Variants in RYR3 observed in about 807,000 individuals in gnomAD.
RYR3 encodes ryanodine receptor 3.
A neutral mutation model predicts 584.3 loss-of-function variants in RYR3; 207 were observed. The ratio of observed to expected loss-of-function variants is 0.35; its 90% CI spans 0.32 to 0.40. RYR3 has a LOEUF of 0.40. Ranked by LOEUF, RYR3 falls within the 10% of genes least tolerant of loss-of-function variation. The probability of loss-of-function intolerance (pLI) is 1.00; values close to 1 mark genes in which losing one functional copy is unlikely to be tolerated. For synonymous variants in RYR3, 2,416 were observed against 2,248.5 expected, an observed-to-expected ratio of 1.07 and a Z score of -2.11; for missense variants, 5,616 against 6,089.2, an observed-to-expected ratio of 0.92 and a Z score of 2.59.
chr15:33,797,277 AG>A (rs2075682173), intron 67 of RYR3, among the ~76,000 whole-genome samples: 1 of 152,192 alleles, frequency 6.6e-6, no homozygotes, highest in East Asian at 1.9e-4. Context: ...CAAGCACTGC[AG>A]ATGATAAAAG....
intron 60 of RYR3, among the ~76,000 whole-genome samples, chr15:33,758,752 G>C (rs1426203860): frequency 6.6e-6 from 1 of 152,230 alleles, no homozygotes; most frequent in Non-Finnish European, 1.5e-5. Flanking sequence ...TGCCGGCTCT[G>C]AACATAGCAG....
chr15:33,575,739 G>A (rs1345567393), intron 12 of RYR3, among the ~76,000 whole-genome samples: 2 of 151,500 alleles, frequency 1.3e-5, no homozygotes, highest in African/African-American at 4.9e-5. Context: ...CCAAAAGCTA[G>A]CAAAAGACAA....
chr15:33,410,588 C>T (rs1320666724), intron 1 of RYR3, among the ~76,000 whole-genome samples: 1 of 152,162 alleles, frequency 6.6e-6, no homozygotes, highest in African/African-American at 2.4e-5. Flanking sequence ...ACTTGATTGC[C>T]TTATTTTAAT....
In RYR3 at chr15:33,745,951, T is replaced by C. The variant is rs576179012; in HGVS notation, c.7900-117T>C. 5 of 719,864 alleles carry C rather than the reference T, an allele frequency of 6.9e-6. No individual in the cohort carries two copies. In the East Asian group the frequency reaches 1.3e-4, roughly 19 times the overall value. 44.6% of individuals were successfully genotyped at this position (719,864 alleles called of 1,614,324 possible). A position where few individuals can be genotyped will look rare whatever the true frequency, so the allele number is the denominator to read the frequency against. ...ATTAGGCATTTTTGAGGAGAATTTCTAAGCCCTGTCACTATCCATTACTCC... is the reference window on the plus strand; with the variant it reads ...ATTAGGCATTTTTGAGGAGAATTTCCAAGCCCTGTCACTATCCATTACTCC... On this transcript the variant is annotated intron_variant, in intron 52 of 103. Coordinates refer to ENST00000634891, the MANE Select transcript of RYR3 (RefSeq NM_001036.6).
intron 2 of RYR3, among the ~76,000 whole-genome samples, chr15:33,474,604 G>A (rs913401045): frequency 6.6e-6 from 1 of 152,120 alleles, no homozygotes; most frequent in Non-Finnish European, 1.5e-5. Context: ...GTGTCGTTTG[G>A]CTGAATAACG....
At chr15:33,562,775 T>A in intron 10 of RYR3, 62 bp from the exon 11 acceptor site, 1 of 1,258,272 alleles carries the variant, frequency 7.9e-7, no homozygotes, top group African/African-American at 1.5e-5. Context: ...ATTCGTTTTG[T>A]ATATTGAGCT....
At chr15:33,383,091 C>T (rs1371957974) in intron 1 of RYR3, among the ~76,000 whole-genome samples, 1 of 151,848 alleles carries the variant, frequency 6.6e-6, no homozygotes, top group Admixed American at 6.6e-5. Context: ...GAAGAAGTGC[C>T]TCATGGAGGC....
chr15:33,585,447 G>T (rs538185938), intron 15 of RYR3, among the ~76,000 whole-genome samples: 1 of 152,112 alleles, frequency 6.6e-6, no homozygotes, highest in South Asian at 2.1e-4. Flanking sequence ...AACCTATCCA[G>T]TGTGCCAAAA....
At chr15:33,843,665 T>G (rs1478233124) in intron 92 of RYR3, 91 bp downstream of exon 92, 8 of 927,974 alleles carry the variant, frequency 8.6e-6, no homozygotes, top group Non-Finnish European at 9.9e-6. Context: ...TTTGTGCTCT[T>G]AATTGTAGCA....
intron 42 of RYR3, among the ~76,000 whole-genome samples, chr15:33,706,494 C>G (rs1178105201): frequency 6.6e-6 from 1 of 152,114 alleles, no homozygotes; most frequent in Non-Finnish European, 1.5e-5. Flanking sequence ...CGGTATTTGT[C>G]TTTTTGTGAC....
In RYR3 at chr15:33,658,279, T is replaced by C. The variant is rs546906843; in HGVS notation, c.4309-1441T>C. Among the ~76,000 whole-genome samples, 17 of 152,302 alleles carry C rather than the reference T, an allele frequency of 1.1e-4. No homozygotes were observed. In the South Asian group the frequency reaches 3.5e-3, roughly 32 times the overall value. ...TGCATTTGTAGAACTGAGGTCCTGT[T>C]TTCATGCTGGCTGCAGCCAGGGGCC... On this transcript the variant is annotated intron_variant, in intron 32 of 103. Coordinates refer to ENST00000634891, the MANE Select transcript of RYR3 (RefSeq NM_001036.6).
At position 33,633,009 on chromosome 15, in the gene RYR3, A is replaced by G; in HGVS notation, c.2928A>G (p.Leu976=). 5.0e-6 allele frequency: 8 copies of G among 1,613,964 alleles called. No homozygotes were observed. The highest frequency in any genetic ancestry group is 6.8e-6 in the Non-Finnish European group (8 of 1,179,838). Reference sequence around the variant, plus strand: ...TGGATTTGTCTGATGTGAAGCTGTTACCTCCTCAAGAAATTTTAGTGGATA... The same window carrying G: ...TGGATTTGTCTGATGTGAAGCTGTTGCCTCCTCAAGAAATTTTAGTGGATA... ...APLDLSDVKL[L]PPQEILVDKL... The change falls in exon 24 of 104, where the codon TTA becomes TTG. Residue 976 remains leucine, a synonymous_variant. Coordinates refer to ENST00000634891, the MANE Select transcript of RYR3 (RefSeq NM_001036.6).
intron 1 of RYR3, among the ~76,000 whole-genome samples, chr15:33,401,968 A>G (rs574485397): frequency 6.6e-6 from 1 of 152,334 alleles, no homozygotes; most frequent in South Asian, 2.1e-4. Context: ...TAAAGATAAT[A>G]TACAAGGCCA....
rs533122618 is a variant in RYR3 at position 33,788,963 on chromosome 15, G to A, written c.9830+505G>A. Among the ~76,000 whole-genome samples the A allele has an allele frequency of 1.9e-3, 284 of 152,168 alleles. 1 individual carries two copies. The highest frequency in any genetic ancestry group is 3.5e-3 in the Non-Finnish European group (240 of 68,036). Reference sequence around the variant, plus strand: ...GGTAAGGGGAATTAGGAGGGTCAGGGTGGGGTGGAGTTGTGTTTTTAGATA... The same window carrying A: ...GGTAAGGGGAATTAGGAGGGTCAGGATGGGGTGGAGTTGTGTTTTTAGATA... On this transcript the variant is annotated intron_variant, in intron 67 of 103. Coordinates refer to ENST00000634891, the MANE Select transcript of RYR3 (RefSeq NM_001036.6).
chr15:33,738,462 C>A lies in RYR3; in HGVS notation c.7528C>A (p.His2510Asn). The stretch of plus-strand genomic sequence containing the variant: ...CTGCACCTCCCAGCTTCTGACGAAT[C>A]ACTATGAACAGTGTTGGAAGTATTA... ...CKMPLKLLTN[H>N]YEQCWKYYCL... The change falls in exon 50 of 104, where the codon CAC becomes AAC. Residue 2510 changes from histidine to asparagine, a missense_variant. His to Asn is a moderately conservative substitution (Grantham distance 68, BLOSUM62 1). This residue lies in a region of RYR3 where 1,280 missense variants were observed against 1,426.2 expected (regional missense o/e 0.90). Coordinates refer to ENST00000634891, the MANE Select transcript of RYR3 (RefSeq NM_001036.6). 1 of 1,613,528 alleles carries A rather than the reference C, an allele frequency of 6.2e-7. No homozygotes were observed. Among genetic ancestry groups the A allele is most frequent in the Non-Finnish European group, 8.5e-7 (1 of 1,179,640 alleles).
intron 81 of RYR3, 35 bp from the exon 82 acceptor site, chr15:33,825,568 A>T: frequency 7.1e-7 from 1 of 1,414,892 alleles, no homozygotes; most frequent in Non-Finnish European, 1.0e-6. Flanking sequence ...CAGCGTGCGT[A>T]GCCCTGAACC....
At chr15:33,799,705 G>T (rs1456522252) in intron 67 of RYR3, among the ~76,000 whole-genome samples, 1 of 152,238 alleles carries the variant, frequency 6.6e-6, no homozygotes, top group Non-Finnish European at 1.5e-5. Context: ...TAGCCAGTTG[G>T]TCAGAAGTAC....
At chr15:33,820,374 A>T (rs553796854) in intron 77 of RYR3, among the ~76,000 whole-genome samples, 1 of 152,184 alleles carries the variant, frequency 6.6e-6, no homozygotes, top group Non-Finnish European at 1.5e-5. Flanking sequence ...ATCCTAGGTG[A>T]TGTGTCTCCA....
At chr15:33,853,709 C>T in intron 96 of RYR3, 27 bp downstream of exon 96, 1 of 1,606,062 alleles carries the variant, frequency 6.2e-7, no homozygotes, top group Non-Finnish European at 8.5e-7. Flanking sequence ...AGTTCAAATC[C>T]AAAGCAGCTA....
Sources: gnomAD v4.1 joint callset for allele counts (sites outside exome capture counted in the v4.1 genomes callset) on GRCh38, gnomAD v4.1.1 for gene constraint, gnomAD v4.1.1 regional missense constraint, MANE v1.5 for transcripts, NCBI Gene and HGNC (gene_info 2026-07-23, HGNC 2026-07-21) for gene names.